NUCB2: variants seen among roughly 807,000 people sequenced by gnomAD.
NUCB2 encodes the protein nucleobindin-2.
A neutral mutation model predicts 57.9 loss-of-function variants in NUCB2; 48 were observed. That is an observed-to-expected ratio of 0.83 (90% CI 0.66 to 1.05). NUCB2 has a LOEUF of 1.05. Among genes scored for constraint, NUCB2 ranks in the 50% least tolerant of loss-of-function variants. The pLI, the probability that NUCB2 is intolerant of heterozygous loss-of-function variation, is 0.00. For missense variants in NUCB2, 442 were observed against 476.2 expected, an observed-to-expected ratio of 0.93 and a Z score of 0.67; for synonymous variants, 139 against 152.1, an observed-to-expected ratio of 0.91 and a Z score of 0.64.
In NUCB2 at chr11:17,289,900, C is replaced by G. The variant is rs180726440; in HGVS notation, c.1-5424C>G. Among the ~76,000 whole-genome samples, 4 of 152,314 alleles carry G rather than the reference C, an allele frequency of 2.6e-5. No homozygotes were observed. In the East Asian group the frequency reaches 7.7e-4, roughly 29 times the overall value. On this transcript the variant is annotated intron_variant, in intron 2 of 13. Coordinates refer to ENST00000529010, the MANE Select transcript of NUCB2 (RefSeq NM_005013.4). ...TACTTTGCTGGAAGTTGTGCAGCTT[C>G]TGTTCAGTATTTTCAGGAAGTTCCT...
At chr11:17,335,587 T>G (rs1565480956), downstream of NUCB2, among the ~76,000 whole-genome samples, 1 of 152,096 alleles carries the variant, frequency 6.6e-6, no homozygotes, top group Non-Finnish European at 1.5e-5. Context: ...CTGCAACATG[T>G]GCTGCCCAGG....
intron 5 of NUCB2, among the ~76,000 whole-genome samples, chr11:17,309,282 T>C: frequency 6.6e-6 from 1 of 152,048 alleles, no homozygotes; most frequent in Non-Finnish European, 1.5e-5. Flanking sequence ...GATTGCACCA[T>C]TGCTCTCCAG....
exon 3 of NUCB2, chr11:17,349,755 G>T (rs889602298): frequency 1.3e-5 from 2 of 152,132 alleles, no homozygotes; most frequent in Admixed American, 6.5e-5. Context: ...TACTGTCCCT[G>T]GATACATGTC....
Position 17,295,344 on chromosome 11 carries a change from G to A in NUCB2, c.21G>A (p.Leu7=). ...TTCAGATGAGGTGGAGGACCATCCT[G>A]CTACAGTATTGCTTTCTCTTGATTA... MRWRTI[L]LQYCFLLITC... is the part of the protein sequence containing the mutation. The change falls in exon 3 of 14, where the codon CTG becomes CTA. Residue 7 remains leucine, a synonymous_variant. Coordinates refer to ENST00000529010, the MANE Select transcript of NUCB2 (RefSeq NM_005013.4). The A allele has an allele frequency of 3.7e-6, 6 of 1,611,550 alleles. No homozygotes were observed. Among genetic ancestry groups the A allele is most frequent in the Non-Finnish European group, 5.1e-6 (6 of 1,178,602 alleles).
intron 2 of NUCB2, among the ~76,000 whole-genome samples, chr11:17,347,511 C>T (rs1952839403): frequency 6.6e-6 from 1 of 152,192 alleles, no homozygotes; most frequent in African/African-American, 2.4e-5. Context: ...ATCCCTTACC[C>T]TAAATATGTG....
At chr11:17,340,621 T>G (rs535561916) in intron 2 of NUCB2, among the ~76,000 whole-genome samples, 4 of 152,146 alleles carry the variant, frequency 2.6e-5, no homozygotes, top group Non-Finnish European at 2.9e-5. Flanking sequence ...TTTCCCCATT[T>G]CTTGTTTTTG....
chr11:17,345,720 G>T (rs117316587), intron 2 of NUCB2, among the ~76,000 whole-genome samples: 8,662 of 152,132 alleles, frequency 0.057, 277 homozygotes, highest in Middle Eastern at 0.099. Context: ...AAAAAGAAAA[G>T]TAACCTTTTA....
At chr11:17,320,173 A>C (rs1479600286) in intron 11 of NUCB2, among the ~76,000 whole-genome samples, 2 of 152,058 alleles carry the variant, frequency 1.3e-5, no homozygotes, top group African/African-American at 4.8e-5. Context: ...TGTCTTTGCT[A>C]TTGTGAATAG....
rs185294605 is a variant in NUCB2, at chr11:17,309,879, G to A, written c.483+204G>A. On this transcript the variant is annotated intron_variant, in intron 6 of 13. Coordinates refer to ENST00000529010, the MANE Select transcript of NUCB2 (RefSeq NM_005013.4). Reference sequence around the variant, plus strand: ...TTATCCACAATTCCTAAATCCAAAAGCTGTAAAAACTGAAACCTGGCCTGA... The same window carrying A: ...TTATCCACAATTCCTAAATCCAAAAACTGTAAAAACTGAAACCTGGCCTGA... Among the ~76,000 whole-genome samples the A allele has an allele frequency of 5.0e-3, 762 of 152,246 alleles. 3 individuals carry two copies. Among genetic ancestry groups the A allele is most frequent in the Non-Finnish European group, 8.4e-3 (569 of 68,010 alleles).
At position 17,338,211 on chromosome 11, in the gene NUCB2, A is replaced by AT. The variant is rs536641312; in HGVS notation, n.2626+683dup. 1.5e-3 allele frequency among the ~76,000 whole-genome samples: 224 copies of AT among 152,274 alleles called. 1 individual carries two copies. Among genetic ancestry groups the AT allele is most frequent in the African/African-American group, 5.2e-3 (216 of 41,554 alleles). On this transcript the variant is annotated intron_variant and non_coding_transcript_variant, in intron 2 of 2. Transcript: ENST00000532240. ...TTTTGATTTAGTTTTAGGAATTTAG[A>AT]TTTTTTCAAATATTGCTCATCAAAT...
chr11:17,307,211 G>A (rs931232956), intron 5 of NUCB2, among the ~76,000 whole-genome samples: 55 of 144,856 alleles, frequency 3.8e-4, no homozygotes, highest in African/African-American at 1.3e-3. Context: ...GCCCATTCAC[G>A]TGGTTCAAAT....
At position 17,326,297 on chromosome 11, in the gene NUCB2, G is replaced by A. The variant is rs13377331; in HGVS notation, c.1003-3830G>A. The stretch of plus-strand genomic sequence containing the variant: ...TTACAGGCGTGAGCCTCTGTGCCTG[G>A]CCTCATTGTTACCGTTTTTTTTTTT... On this transcript the variant is annotated intron_variant, in intron 11 of 13. Coordinates refer to ENST00000529010, the MANE Select transcript of NUCB2 (RefSeq NM_005013.4). 3.8e-3 allele frequency among the ~76,000 whole-genome samples: 538 copies of A among 139,966 alleles called. 2 individuals carry two copies. The highest frequency in any genetic ancestry group is 0.014 in the African/African-American group (515 of 37,960). The allele number at this position is 139,966 out of a possible 152,430, so 91.8% of individuals were successfully genotyped here.
chr11:17,310,155 C>A (rs1395534822), intron 6 of NUCB2, among the ~76,000 whole-genome samples: 1 of 151,984 alleles, frequency 6.6e-6, no homozygotes, highest in Non-Finnish European at 1.5e-5. Context: ...TCTAACCTGG[C>A]AGGTATTAGA....
At chr11:17,311,153 TA>T (rs2138920101) in intron 7 of NUCB2, 39 bp from the exon 8 acceptor site, 2 of 1,514,552 alleles carry the variant, frequency 1.3e-6, no homozygotes, top group Admixed American at 4.1e-5. Context: ...ACAGATAGAT[TA>T]TATTTTGTTT....
chr11:17,296,540 A>G (rs1945852332), intron 4 of NUCB2, among the ~76,000 whole-genome samples: 1 of 152,214 alleles, frequency 6.6e-6, no homozygotes, highest in South Asian at 2.1e-4. Context: ...TAATCTAGAA[A>G]TACAGAAGGC....
intron 2 of NUCB2, chr11:17,286,730 T>G (rs1338980859): frequency 6.6e-6 from 1 of 152,212 alleles, no homozygotes; most frequent in Admixed American, 6.5e-5. Flanking sequence ...TAGTTCTCCT[T>G]CTTCCTATTG....
chr11:17,276,757 G>T lies in NUCB2; in HGVS notation c.-227G>T, dbSNP rs1303680106. On this transcript the variant is annotated 5_prime_UTR_variant, in exon 1 of 14. Coordinates refer to ENST00000529010, the MANE Select transcript of NUCB2 (RefSeq NM_005013.4). ...GAGGGGCAGAGCGGAGCGGTGGGCC[G>T]GGGGCTGGAGGACAGGTTTGTGCGC... 1 of 152,596 alleles carries T rather than the reference G, an allele frequency of 6.6e-6. No individual in the cohort carries two copies. Among genetic ancestry groups the T allele is most frequent in the Non-Finnish European group, 1.5e-5 (1 of 68,384 alleles). 9.5% of individuals were successfully genotyped at this position (152,596 alleles called of 1,614,324 possible).
At chr11:17,282,194 C>A (rs1179735469) in intron 1 of NUCB2, among the ~76,000 whole-genome samples, 1 of 109,490 alleles carries the variant, frequency 9.1e-6, no homozygotes, top group African/African-American at 3.7e-5. Context: ...AAATCTATAT[C>A]TATATCTATA....
intron 4 of NUCB2, among the ~76,000 whole-genome samples, chr11:17,296,653 CT>C (rs1370853498): frequency 6.6e-6 from 1 of 151,866 alleles, no homozygotes; most frequent in Non-Finnish European, 1.5e-5. Flanking sequence ...AGGAGAGGTA[CT>C]GGGAGGCATC....
Sources: allele counts gnomAD v4.1 joint callset (sites outside exome capture counted in the v4.1 genomes callset), GRCh38; gene constraint gnomAD v4.1.1; transcripts MANE v1.5; gene names NCBI Gene and HGNC (gene_info 2026-07-23, HGNC 2026-07-21).